The following BAHCC1 variants were observed in gnomAD, a reference collection of about 807,000 sequenced individuals.
BAHCC1 encodes the protein BAH and coiled-coil domain-containing protein 1.
BAHCC1 carries 43 observed loss-of-function variants against 88.2 expected under a neutral mutation model. The observed-to-expected ratio is 0.49, with a 90% CI of 0.38 to 0.63. BAHCC1 has a LOEUF of 0.63. Ranked by LOEUF, BAHCC1 falls within the 20% of genes least tolerant of loss-of-function variation. The probability of loss-of-function intolerance (pLI) is 0.00; values close to 1 mark genes in which losing one functional copy is unlikely to be tolerated. For synonymous variants in BAHCC1, 1,510 were observed against 745.5 expected, an observed-to-expected ratio of 2.03 and a Z score of -16.71; for missense variants, 3,023 against 1,654.8, an observed-to-expected ratio of 1.83 and a Z score of -14.34.
Position 81,464,016 on chromosome 17 carries a change from C to T in BAHCC1, c.*199C>T, listed in dbSNP as rs189768237. Reference sequence around the variant, plus strand: ...CGCTCCAGGTGTCGGAATCCAGTCCCGTCCCATCCTCTGCGGAGGGTCGGG... The same window carrying T: ...CGCTCCAGGTGTCGGAATCCAGTCCTGTCCCATCCTCTGCGGAGGGTCGGG... On this transcript the variant is annotated 3_prime_UTR_variant, in exon 28 of 28. Transcript: ENST00000675386. 38 of 597,288 alleles carry T rather than the reference C, an allele frequency of 6.4e-5. No individual in the cohort carries two copies. Among genetic ancestry groups the T allele is most frequent in the East Asian group, 1.1e-4 (4 of 35,964 alleles). The allele number at this position is 597,288 out of a possible 1,614,324, so 37.0% of individuals were successfully genotyped here. A position where few individuals can be genotyped will look rare whatever the true frequency, so the allele number is the denominator to read the frequency against.
Position 81,460,408 on chromosome 17 carries a change from A to G in BAHCC1, c.6025+12A>G. 1.3e-6 allele frequency: 1 copy of G among 754,142 alleles called. No individual in the cohort carries two copies. The highest frequency in any genetic ancestry group is 2.5e-6 in the Non-Finnish European group (1 of 405,574). 46.7% of individuals were successfully genotyped at this position (754,142 alleles called of 1,614,324 possible). On this transcript the variant is annotated intron_variant, in intron 24 of 27. Coordinates refer to ENST00000675386, the MANE Select transcript of BAHCC1 (RefSeq NM_001377448.1). ...CTTCAAGATCCAGTGTGAGCCTGGG[A>G]GCTGCACGGGGCAGGGCCCTGCCTG... is the stretch of plus-strand genomic sequence containing the variant.
intron 2 of BAHCC1, among the ~76,000 whole-genome samples, chr17:81,419,155 G>A (rs1555649259): frequency 6.6e-6 from 1 of 152,186 alleles, no homozygotes; most frequent in Non-Finnish European, 1.5e-5. Flanking sequence ...CACTGGGGTG[G>A]CATGTGGCTG....
chr17:81,436,377 C>G (rs186032071), intron 3 of BAHCC1, among the ~76,000 whole-genome samples: 1 of 152,360 alleles, frequency 6.6e-6, no homozygotes, highest in East Asian at 1.9e-4. Flanking sequence ...GCCTGCTCCC[C>G]GCAGAGAGCG....
chr17:81,463,834 G>A lies in BAHCC1; in HGVS notation c.*17G>A. 1 of 708,558 alleles carries A rather than the reference G, an allele frequency of 1.4e-6. No individual in the cohort carries two copies. The highest frequency in any genetic ancestry group is 2.6e-6 in the Non-Finnish European group (1 of 388,068). 43.9% of individuals were successfully genotyped at this position (708,558 alleles called of 1,614,324 possible). A position where few individuals can be genotyped will look rare whatever the true frequency, so the allele number is the denominator to read the frequency against. On this transcript the variant is annotated 3_prime_UTR_variant, in exon 28 of 28. Transcript: ENST00000675386. ...CTATGCTGAGCCGCCCACCGCAGAT[G>A]CCTCCCACGTGCGCCAGGGACCCTG... is the stretch of plus-strand genomic sequence containing the variant.
At chr17:81,419,786 G>C (rs1450802352) in intron 2 of BAHCC1, among the ~76,000 whole-genome samples, 2 of 145,452 alleles carry the variant, frequency 1.4e-5, no homozygotes, top group Non-Finnish European at 3.1e-5. Flanking sequence ...ATCTCAACGA[G>C]GCGTTTTTTT....
At chr17:81,401,429 G>A (rs1344639474) in intron 2 of BAHCC1, 4 of 152,684 alleles carry the variant, frequency 2.6e-5, no homozygotes, top group African/African-American at 7.2e-5. Context: ...ACTGGAAAGA[G>A]AAGGAGAAAA....
At chr17:81,397,507 C>A (rs952085204) in intron 1 of BAHCC1, among the ~76,000 whole-genome samples, 1 of 152,112 alleles carries the variant, frequency 6.6e-6, no homozygotes, top group Non-Finnish European at 1.5e-5. Context: ...CCTCTCCGGC[C>A]TTCGGCGCCT....
At chr17:81,440,652 A>C (rs2064398467) in intron 4 of BAHCC1, among the ~76,000 whole-genome samples, 1 of 152,062 alleles carries the variant, frequency 6.6e-6, no homozygotes, top group Non-Finnish European at 1.5e-5. Flanking sequence ...GGGTAACCCC[A>C]GGGCAGCCGG....
rs782254729 is a variant in BAHCC1, at chr17:81,460,516, C to CA, written c.6026-13dup. 6.8e-6 allele frequency: 5 copies of CA among 738,192 alleles called. No individual in the cohort carries two copies. The highest frequency in any genetic ancestry group is 1.7e-5 in the African/African-American group (1 of 57,812). 45.7% of individuals were successfully genotyped at this position (738,192 alleles called of 1,614,324 possible). A position where few individuals can be genotyped will look rare whatever the true frequency, so the allele number is the denominator to read the frequency against. ...AGCCATGGCACTGAAGCCCTTGGCCCATGCTATCCACAGGCACAGAGCCCT... is the reference window on the plus strand; with the variant it reads ...AGCCATGGCACTGAAGCCCTTGGCCCAATGCTATCCACAGGCACAGAGCCCT... On this transcript the variant is annotated splice_polypyrimidine_tract_variant and intron_variant, in intron 24 of 27. Transcript: ENST00000675386.
At position 81,455,833 on chromosome 17, in the gene BAHCC1, C is replaced by T. The variant is rs558566878; in HGVS notation, c.4569+443C>T. ...GTTTCTTCTTGGCGTGGTGGGGGCTCTCTCGGCTGCCGACACCCCTTCTTT... is the reference window on the plus strand; with the variant it reads ...GTTTCTTCTTGGCGTGGTGGGGGCTTTCTCGGCTGCCGACACCCCTTCTTT... On this transcript the variant is annotated intron_variant, in intron 15 of 27. Transcript: ENST00000675386. Among the ~76,000 whole-genome samples, 3 of 152,276 alleles carry T rather than the reference C, an allele frequency of 2.0e-5. No individual in the cohort carries two copies. In the East Asian group the frequency reaches 5.8e-4, roughly 29 times the overall value.
chr17:81,435,246 C>A lies in BAHCC1; in HGVS notation c.359-3124C>A, dbSNP rs553569514. 6.6e-6 allele frequency among the ~76,000 whole-genome samples: 1 copy of A among 152,148 alleles called. No individual in the cohort carries two copies. Among genetic ancestry groups the A allele is most frequent in the African/African-American group, 2.4e-5 (1 of 41,426 alleles). Reference sequence around the variant, plus strand: ...CTGGGGGTGTGGCCATTGTGTCCCCCGCCCAGCCCACGCGTGGCCCCCTGG... The same window carrying A: ...CTGGGGGTGTGGCCATTGTGTCCCCAGCCCAGCCCACGCGTGGCCCCCTGG... On this transcript the variant is annotated intron_variant, in intron 3 of 27. Transcript: ENST00000675386. The surrounding 1 kb of genome is among the most constrained non-coding windows in gnomAD (Gnocchi z 4.4).
intron 3 of BAHCC1, among the ~76,000 whole-genome samples, chr17:81,430,957 T>C (rs2064253355): frequency 7.4e-6 from 1 of 135,910 alleles, no homozygotes. Flanking sequence ...CTGGCTCCGC[T>C]GGGATGCGAG....
intron 2 of BAHCC1, among the ~76,000 whole-genome samples, chr17:81,419,635 G>A (rs2064089676): frequency 6.6e-6 from 1 of 151,634 alleles, no homozygotes; most frequent in Admixed American, 6.6e-5. Context: ...GGTCGGGGGT[G>A]GGAGCTGACG....
In BAHCC1 at chr17:81,461,484, A is replaced by T. The variant is rs782296123; in HGVS notation, c.6821A>T (p.Tyr2274Phe). ...CCCATGGGGCTGGCGCTGCGCAAGT[A>T]CGCGGGCCAGGCAGAGTTCCCGCTG... ...PLPMGLALRK[Y>F]AGQAEFPLPY... The change falls in exon 26 of 28, where the codon TAC (tyrosine) becomes TTC (phenylalanine). Residue 2274 changes from tyrosine (Y) to phenylalanine (F), a missense_variant. Physicochemically the swap from Tyr to Phe is conservative, Grantham distance 22. Transcript: ENST00000675386. 2.6e-5 allele frequency: 19 copies of T among 744,652 alleles called. No homozygotes were observed. Among genetic ancestry groups the T allele is most frequent in the Non-Finnish European group, 4.5e-5 (18 of 401,444 alleles). 46.1% of individuals were successfully genotyped at this position (744,652 alleles called of 1,614,324 possible). A position where few individuals can be genotyped will look rare whatever the true frequency, so the allele number is the denominator to read the frequency against.
At chr17:81,439,129 C>G (rs2064377331) in intron 4 of BAHCC1, among the ~76,000 whole-genome samples, 1 of 152,194 alleles carries the variant, frequency 6.6e-6, no homozygotes, top group Admixed American at 6.5e-5. Context: ...GAGCCGAGTC[C>G]TGGTGCCAGC....
chr17:81,399,996 G>C lies in BAHCC1; in HGVS notation c.178+79G>C. 8.7e-7 allele frequency: 1 copy of C among 1,152,884 alleles called. No homozygotes were observed. The highest frequency in any genetic ancestry group is 1.6e-5 in the African/African-American group (1 of 61,556). The allele number at this position is 1,152,884 out of a possible 1,614,324, so 71.4% of individuals were successfully genotyped here. Reference sequence around the variant, plus strand: ...GGCGCCCACCCCTCCGCTCCCGGGAGCAGAGAAGCTTTGGTTTCATTTCCC... The same window carrying C: ...GGCGCCCACCCCTCCGCTCCCGGGACCAGAGAAGCTTTGGTTTCATTTCCC... On this transcript the variant is annotated intron_variant, in intron 2 of 27. Transcript: ENST00000675386. This position sits in a 1 kb window ranked among gnomAD's most constrained non-coding sequence, Gnocchi z 4.5.
chr17:81,398,486 GCCGCCCGGTA>G (rs139258838), intron 1 of BAHCC1, among the ~76,000 whole-genome samples: 3,798 of 152,318 alleles, frequency 0.025, 171 homozygotes, highest in African/African-American at 0.087. Flanking sequence ...GCGTACCCAG[GCCGCCCGGTA>G]CTGCCCGGAG....
rs1273140469 is a variant in BAHCC1 at position 81,434,175 on chromosome 17, G to A, written c.359-4195G>A. On this transcript the variant is annotated intron_variant, in intron 3 of 27. Coordinates refer to ENST00000675386, the MANE Select transcript of BAHCC1 (RefSeq NM_001377448.1). The surrounding 1 kb of genome is among the most constrained non-coding windows in gnomAD (Gnocchi z 4.9). ...TTCTGAGCCAGGAGGATGGGCCCTC[G>A]CTGGACAGTGGGTATTTGAGACAGT... is the stretch of plus-strand genomic sequence containing the variant. Among the ~76,000 whole-genome samples the A allele has an allele frequency of 2.6e-5, 4 of 152,156 alleles. No individual in the cohort carries two copies. The highest frequency in any genetic ancestry group is 4.4e-5 in the Non-Finnish European group (3 of 68,018).
chr17:81,442,068 C>A lies in BAHCC1; in HGVS notation c.719C>A (p.Ala240Glu), dbSNP rs781998556. 7 of 710,134 alleles carry A rather than the reference C, an allele frequency of 9.9e-6. No homozygotes were observed. The highest frequency in any genetic ancestry group is 3.6e-5 in the African/African-American group (2 of 55,772). The allele number at this position is 710,134 out of a possible 1,614,324, so 44.0% of individuals were successfully genotyped here. ...GKAAEGKERP[A>E]AEEDGGKERH... ...GCCGCTGAGGGCAAGGAGCGGCCAG[C>A]GGCAGAGGAGGACGGTGGCAAGGAG... Residue 240 changes from alanine to glutamate, a missense_variant, in exon 5 of 28, where the codon GCG becomes GAG. By Grantham distance (107) the Ala-to-Glu change is moderately radical. Coordinates refer to ENST00000675386, the MANE Select transcript of BAHCC1 (RefSeq NM_001377448.1).
Sources: gnomAD v4.1 joint callset for allele counts (sites outside exome capture counted in the v4.1 genomes callset) on GRCh38, gnomAD v4.1.1 for gene constraint, Gnocchi (gnomAD v3.1) non-coding constraint, MANE v1.5 for transcripts, NCBI Gene and HGNC (gene_info 2026-07-23, HGNC 2026-07-21) for gene names.